The following ITPR2 variants were observed in gnomAD, a reference collection of about 807,000 sequenced individuals.
ITPR2 encodes inositol 1,4,5-trisphosphate receptor type 2.
ITPR2 carries 207 observed loss-of-function variants against 317.1 expected under a neutral mutation model. The observed-to-expected ratio is 0.65, with a 90% CI of 0.58 to 0.73. ITPR2 has a LOEUF of 0.73. Ranked by LOEUF, ITPR2 falls within the 30% of genes least tolerant of loss-of-function variation. ITPR2 has a pLI of 0.00. For synonymous variants in ITPR2, 1,156 were observed against 1,149.1 expected, an observed-to-expected ratio of 1.01 and a Z score of -0.12; for missense variants, 2,613 against 3,284.0, an observed-to-expected ratio of 0.80 and a Z score of 4.99.
intron 2 of ITPR2, among the ~76,000 whole-genome samples, chr12:26,733,952 T>C: frequency 6.6e-6 from 1 of 152,214 alleles, no homozygotes; most frequent in East Asian, 1.9e-4. Context: ...ATTTTTTACA[T>C]ATATTTATGT....
chr12:26,499,583 C>T (rs896099485), intron 37 of ITPR2, among the ~76,000 whole-genome samples: 1 of 152,152 alleles, frequency 6.6e-6, no homozygotes, highest in African/African-American at 2.4e-5. Flanking sequence ...CAGTTCCAAA[C>T]ACATAGTAAG....
intron 2 of ITPR2, among the ~76,000 whole-genome samples, chr12:26,756,368 G>C (rs549784407): frequency 6.6e-6 from 1 of 152,238 alleles, no homozygotes; most frequent in South Asian, 2.1e-4. Flanking sequence ...TTCTAATTCT[G>C]TGCATATATT....
rs753321681 is a variant in ITPR2 at position 26,443,573 on chromosome 12, C to T, written c.6420G>A (p.Lys2140=). 4 of 1,612,950 alleles carry T rather than the reference C, an allele frequency of 2.5e-6. No individual in the cohort carries two copies. Among genetic ancestry groups the T allele is most frequent in the South Asian group, 1.1e-5 (1 of 91,062 alleles). Residue 2140 remains lysine (K), a synonymous_variant, in exon 46 of 57, where the codon AAG becomes AAA. Transcript: ENST00000381340. ...TCTGTGCAGTGTGGTTGGCATAATA[C>T]TTTAAGGCTTCATCTCCTTCATCTG... ...SDPDEGDEAL[K]YYANHTAQIE...
Position 26,571,244 on chromosome 12 carries a change from G to A in ITPR2, c.4630+7469C>T, listed in dbSNP as rs116678733. On this transcript the variant is annotated intron_variant, in intron 34 of 56. Coordinates refer to ENST00000381340, the MANE Select transcript of ITPR2 (RefSeq NM_002223.4). ...CATGGTATATTCACAATTGATCGTG[G>A]CTTCAGTTTTAAAAACTTCTGAAGT... Among the ~76,000 whole-genome samples the A allele has an allele frequency of 3.0e-3, 460 of 152,274 alleles. 1 individual carries two copies. Among genetic ancestry groups the A allele is most frequent in the African/African-American group, 0.011 (445 of 41,538 alleles).
At chr12:26,346,961 A>G (rs1938331774) in intron 55 of ITPR2, among the ~76,000 whole-genome samples, 1 of 152,156 alleles carries the variant, frequency 6.6e-6, no homozygotes, top group Non-Finnish European at 1.5e-5. Flanking sequence ...CAAGTGAGCA[A>G]ACAGAAACAC....
intron 52 of ITPR2, among the ~76,000 whole-genome samples, chr12:26,405,636 A>C (rs1282655648): frequency 6.6e-6 from 1 of 152,180 alleles, no homozygotes; most frequent in East Asian, 1.9e-4. Context: ...CTGCTTTAAT[A>C]ATTAAATTCA....
At chr12:26,750,162 G>A (rs117944579) in intron 2 of ITPR2, among the ~76,000 whole-genome samples, 3 of 152,322 alleles carry the variant, frequency 2.0e-5, no homozygotes, top group East Asian at 1.9e-4. Context: ...CCATGATGCT[G>A]AGCCTCAGAT....
intron 51 of ITPR2, among the ~76,000 whole-genome samples, chr12:26,412,047 T>A (rs533731886): frequency 7.2e-5 from 11 of 152,354 alleles, no homozygotes; most frequent in African/African-American, 1.7e-4. Flanking sequence ...TTTATTTTTT[T>A]AAATGTTGTT....
rs749106156 is a variant in ITPR2 at position 26,656,428 on chromosome 12, C to T, written c.2313G>A (p.Pro771=). 14 of 1,614,066 alleles carry T rather than the reference C, an allele frequency of 8.7e-6. No individual in the cohort carries two copies. The highest frequency in any genetic ancestry group is 6.7e-5 in the Admixed American group (4 of 60,002). The change falls in exon 19 of 57, where the codon CCG becomes CCA. Residue 771 remains proline, a synonymous_variant. Coordinates refer to ENST00000381340, the MANE Select transcript of ITPR2 (RefSeq NM_002223.4). ...ILRCVSDESL[P]FDLRASFCRL... ...GACAGAAGGACGCTCGGAGGTCGAA[C>T]GGCAGGCTCTCATCCGACACACACC...
intron 50 of ITPR2, among the ~76,000 whole-genome samples, chr12:26,417,600 C>T (rs1940761167): frequency 6.6e-6 from 1 of 152,102 alleles, no homozygotes; most frequent in African/African-American, 2.4e-5. Flanking sequence ...GCCTTGCTTC[C>T]CCTTCACCTT....
rs191314837 is a variant in ITPR2 at position 26,665,045 on chromosome 12, A to G, written c.1551+865T>C. On this transcript the variant is annotated intron_variant, in intron 14 of 56. Transcript: ENST00000381340. ...TTTAAATAGCAATTAATAGAATAAAAATAATACATAAACGTAGGCATGTCC... is the reference window on the plus strand; with the variant it reads ...TTTAAATAGCAATTAATAGAATAAAGATAATACATAAACGTAGGCATGTCC... 1.1e-4 allele frequency among the ~76,000 whole-genome samples: 17 copies of G among 152,366 alleles called. No homozygotes were observed. In the East Asian group the frequency reaches 3.3e-3, roughly 29 times the overall value.
intron 16 of ITPR2, 94 bp downstream of exon 16, chr12:26,659,019 G>T: frequency 1.1e-6 from 1 of 926,986 alleles, no homozygotes; most frequent in Non-Finnish European, 1.6e-6. Context: ...AAAAGTTAGT[G>T]ATGTGAAAGA....
intron 54 of ITPR2, among the ~76,000 whole-genome samples, chr12:26,397,518 A>G (rs142541360): frequency 6.6e-6 from 1 of 152,124 alleles, no homozygotes; most frequent in East Asian, 1.9e-4. Context: ...CCTTCAATGC[A>G]TGAGATATCA....
intron 1 of ITPR2, among the ~76,000 whole-genome samples, chr12:26,826,591 A>C (rs1324898930): frequency 6.6e-6 from 1 of 152,194 alleles, no homozygotes; most frequent in Non-Finnish European, 1.5e-5. Flanking sequence ...TGACTAAGAG[A>C]CTATGATGAT....
At chr12:26,368,076 T>C (rs1200752286) in intron 55 of ITPR2, among the ~76,000 whole-genome samples, 1 of 152,234 alleles carries the variant, frequency 6.6e-6, no homozygotes, top group Non-Finnish European at 1.5e-5. Flanking sequence ...TGGGGACTAT[T>C]TAAATGAGCA....
chr12:26,670,084 C>T (rs2136934761), intron 13 of ITPR2, among the ~76,000 whole-genome samples: 1 of 152,356 alleles, frequency 6.6e-6, no homozygotes, highest in Middle Eastern at 3.4e-3. Flanking sequence ...CTCAAGGAGG[C>T]CTGCCTGCCT....
chr12:26,547,253 A>G (rs1944410780), intron 37 of ITPR2, among the ~76,000 whole-genome samples: 1 of 152,214 alleles, frequency 6.6e-6, no homozygotes, highest in African/African-American at 2.4e-5. Context: ...ACATGACTAG[A>G]TATTTCTCAA....
chr12:26,458,977 C>T (rs1016473731), intron 45 of ITPR2, among the ~76,000 whole-genome samples: 1 of 152,176 alleles, frequency 6.6e-6, no homozygotes, highest in African/African-American at 2.4e-5. Flanking sequence ...TACAAAGCAC[C>T]GCACAGAGTG....
At chr12:26,377,621 T>G (rs574676934) in intron 55 of ITPR2, among the ~76,000 whole-genome samples, 2 of 152,312 alleles carry the variant, frequency 1.3e-5, no homozygotes, top group South Asian at 4.1e-4. Context: ...ATATTTAGCC[T>G]TTGTCAAATT....
Sources: gnomAD v4.1 joint callset for allele counts (sites outside exome capture counted in the v4.1 genomes callset) on GRCh38, gnomAD v4.1.1 for gene constraint, MANE v1.5 for transcripts, NCBI Gene and HGNC (gene_info 2026-07-23, HGNC 2026-07-21) for gene names.